The following ZNF777 variants were observed in gnomAD, a reference collection of about 807,000 sequenced individuals.
The protein encoded by ZNF777 is zinc finger protein 777.
A neutral mutation model predicts 72.1 loss-of-function variants in ZNF777; 7 were observed. The observed-to-expected ratio is 0.10, with a 90% confidence interval of 0.06 to 0.18. The LOEUF (loss-of-function observed/expected upper bound fraction) is 0.18. Ranked by LOEUF, ZNF777 falls within the 10% of genes least tolerant of loss-of-function variation. The pLI, the probability that ZNF777 is intolerant of heterozygous loss-of-function variation, is 1.00. For missense variants in ZNF777, 828 were observed against 1,128.6 expected (o/e 0.73, Z 3.82); for synonymous variants, 545 against 483.5 (o/e 1.13, Z -1.67).
chr7:149,431,738 C>T lies in ZNF777; in HGVS notation c.*38G>A. On this transcript the variant is annotated 3_prime_UTR_variant, in exon 6 of 6. Coordinates refer to ENST00000247930, the MANE Select transcript of ZNF777 (RefSeq NM_015694.3). ...GGCGGTGTCCGAGGGGGGGCACGGC[C>T]CGCGCACCTGGCCGGGCGGCGGCGG... 5.2e-6 allele frequency: 7 copies of T among 1,354,946 alleles called. No homozygotes were observed. The highest frequency in any genetic ancestry group is 6.6e-6 in the Non-Finnish European group (7 of 1,059,060). The allele number at this position is 1,354,946 out of a possible 1,614,324, so 83.9% of individuals were successfully genotyped here. A position where few individuals can be genotyped will look rare whatever the true frequency, so the allele number is the denominator to read the frequency against.
chr7:149,455,103 T>C lies in ZNF777; in HGVS notation c.846+74A>G. On this transcript the variant is annotated intron_variant, in intron 2 of 5. Coordinates refer to ENST00000247930, the MANE Select transcript of ZNF777 (RefSeq NM_015694.3). This position sits in a 1 kb window ranked among gnomAD's most constrained non-coding sequence, Gnocchi z 4.2. Reference sequence around the variant, plus strand: ...CTTTATCAACCACCCCTTTCTTTCATATTACACTACATTCCTAAACCACAC... The same window carrying C: ...CTTTATCAACCACCCCTTTCTTTCACATTACACTACATTCCTAAACCACAC... 2 of 1,513,054 alleles carry C rather than the reference T, an allele frequency of 1.3e-6. No individual in the cohort carries two copies. The highest frequency in any genetic ancestry group is 2.3e-5 in the East Asian group (1 of 44,194). 93.7% of individuals were successfully genotyped at this position (1,513,054 alleles called of 1,614,324 possible). A position where few individuals can be genotyped will look rare whatever the true frequency, so the allele number is the denominator to read the frequency against.
Position 149,432,211 on chromosome 7 carries a change from C to T in ZNF777, c.2061G>A (p.Ala687=), listed in dbSNP as rs751313261. The T allele has an allele frequency of 2.5e-6, 4 of 1,606,078 alleles. No individual in the cohort carries two copies. Among genetic ancestry groups the T allele is most frequent in the African/African-American group, 2.7e-5 (2 of 74,738 alleles). ...AGATGAAGGAGACCTCATGCTTGCC[C>T]GCGTGCACGCGCTGATGGATCACCA... The part of the protein sequence containing the change: ...ISLVIHQRVH[A]GKHEVSFICS... The change falls in exon 6 of 6, where the codon GCG becomes GCA. Residue 687 remains alanine, a synonymous_variant. Coordinates refer to ENST00000247930, the MANE Select transcript of ZNF777 (RefSeq NM_015694.3).
intron 3 of ZNF777, among the ~76,000 whole-genome samples, chr7:149,452,458 G>A (rs1377177496): frequency 6.6e-6 from 1 of 151,340 alleles, no homozygotes; most frequent in Non-Finnish European, 1.5e-5. Flanking sequence ...GTAAAACCCT[G>A]TCTCTACTAA....
intron 5 of ZNF777, among the ~76,000 whole-genome samples, chr7:149,435,872 A>G (rs1290676491): frequency 6.6e-6 from 1 of 152,250 alleles, no homozygotes; most frequent in Admixed American, 6.5e-5. Flanking sequence ...CATTTCATTT[A>G]TGAATACAGT....
chr7:149,451,605 T>A (rs183178837), intron 3 of ZNF777, among the ~76,000 whole-genome samples: 56 of 151,892 alleles, frequency 3.7e-4, no homozygotes, highest in African/African-American at 1.2e-3. Flanking sequence ...GGCAGGAGAA[T>A]CACTTGAACC....
intron 4 of ZNF777, among the ~76,000 whole-genome samples, chr7:149,448,190 G>C (rs1161447120): frequency 6.6e-6 from 1 of 151,926 alleles, no homozygotes; most frequent in African/African-American, 2.4e-5. Flanking sequence ...AATAAGCCAG[G>C]TGCAGTGGTT....
rs551694939 is a variant in ZNF777, at chr7:149,436,466, A to G, written c.1339+109T>C. The G allele has an allele frequency of 1.5e-5, 20 of 1,321,322 alleles. No homozygotes were observed. The African/African-American group carries it at 2.5e-4, about 16-fold the overall frequency. The allele number at this position is 1,321,322 out of a possible 1,614,324, so 81.8% of individuals were successfully genotyped here. On this transcript the variant is annotated intron_variant, in intron 5 of 5. Coordinates refer to ENST00000247930, the MANE Select transcript of ZNF777 (RefSeq NM_015694.3). The surrounding 1 kb of genome is among the most constrained non-coding windows in gnomAD (Gnocchi z 5.0). ...GTAATTCTTTCCCACCTGTTGCCCC[A>G]TCAGTGTCCAGCTACCTCTCTGAAG...
In ZNF777 at chr7:149,460,184, G is replaced by A. The variant is rs1799921157; in HGVS notation, c.-16+631C>T. ...TCCGGCCCGGGCCCCCGGAGTCGCC[G>A]CCGCTACTGCCGCCGCCGCTACTGC... On this transcript the variant is annotated intron_variant, in intron 1 of 5. Coordinates refer to ENST00000247930, the MANE Select transcript of ZNF777 (RefSeq NM_015694.3). This position sits in a 1 kb window ranked among gnomAD's most constrained non-coding sequence, Gnocchi z 6.1. The A allele has an allele frequency of 3.8e-6, 3 of 797,480 alleles. No individual in the cohort carries two copies. The highest frequency in any genetic ancestry group is 3.0e-6 in the Non-Finnish European group (2 of 661,104). 49.4% of individuals were successfully genotyped at this position (797,480 alleles called of 1,614,324 possible).
intron 4 of ZNF777, among the ~76,000 whole-genome samples, chr7:149,438,405 A>G (rs7804131): frequency 0.037 from 5,654 of 152,296 alleles, 259 homozygotes; most frequent in African/African-American, 0.099. Flanking sequence ...AAGAACATTC[A>G]CGTTTTGTTC....
intron 1 of ZNF777, among the ~76,000 whole-genome samples, chr7:149,459,169 G>A (rs531607916): frequency 2.6e-5 from 4 of 152,220 alleles, no homozygotes; most frequent in South Asian, 4.1e-4. Context: ...ATGCTTTTTA[G>A]AAAGCTATAT....
chr7:149,460,381 G>A lies in ZNF777; in HGVS notation c.-16+434C>T, dbSNP rs1799926482. 6.9e-6 allele frequency among the ~76,000 whole-genome samples: 1 copy of A among 145,796 alleles called. No individual in the cohort carries two copies. Among genetic ancestry groups the A allele is most frequent in the African/African-American group, 2.5e-5 (1 of 40,742 alleles). On this transcript the variant is annotated intron_variant, in intron 1 of 5. Transcript: ENST00000247930. This position sits in a 1 kb window ranked among gnomAD's most constrained non-coding sequence, Gnocchi z 6.1. ...CCGAGCGGCGGCGTCGGAGCTGGGC[G>A]CGCGGCTGTGCGGGCGGCCCGGCCG... is the stretch of plus-strand genomic sequence containing the variant.
chr7:149,433,882 T>C (rs1799367963), intron 5 of ZNF777, among the ~76,000 whole-genome samples: 2 of 152,242 alleles, frequency 1.3e-5, no homozygotes, highest in African/African-American at 4.8e-5. Context: ...CTTGTACTTA[T>C]TTGGCACTAA....
At position 149,431,677 on chromosome 7, in the gene ZNF777, G is replaced by A; in HGVS notation, c.*99C>T. The A allele has an allele frequency of 9.0e-7, 1 of 1,116,190 alleles. No individual in the cohort carries two copies. The highest frequency in any genetic ancestry group is 1.7e-5 in the African/African-American group (1 of 57,834). 69.1% of individuals were successfully genotyped at this position (1,116,190 alleles called of 1,614,324 possible). On this transcript the variant is annotated 3_prime_UTR_variant, in exon 6 of 6. Coordinates refer to ENST00000247930, the MANE Select transcript of ZNF777 (RefSeq NM_015694.3). ...GGGGGAGCTCACGGCAAAGGGGCTG[G>A]GGGGCGCCCCGCCCCCGCCCGCTGG... is the stretch of plus-strand genomic sequence containing the variant.
intron 4 of ZNF777, among the ~76,000 whole-genome samples, chr7:149,439,022 C>T (rs1799464088): frequency 6.6e-6 from 1 of 152,158 alleles, no homozygotes; most frequent in Non-Finnish European, 1.5e-5. Flanking sequence ...AAGAAAAAGT[C>T]ATCCATACCT....
At chr7:149,458,402 AG>A (rs1204397965) in intron 1 of ZNF777, among the ~76,000 whole-genome samples, 1 of 152,144 alleles carries the variant, frequency 6.6e-6, no homozygotes, top group Non-Finnish European at 1.5e-5. Context: ...CCTTAGAGGG[AG>A]ATTAGGGTAT....
chr7:149,450,239 A>G (rs567221142), intron 4 of ZNF777, among the ~76,000 whole-genome samples: 4 of 152,264 alleles, frequency 2.6e-5, no homozygotes, highest in South Asian at 4.2e-4. Flanking sequence ...GCACCACAAG[A>G]GCGCCTGCAG....
In ZNF777 at chr7:149,455,342, G is replaced by A. The variant is rs185994444; in HGVS notation, c.681C>T (p.Ala227=). Reference sequence around the variant, plus strand: ...TCTCCAGATGGTTCGCGAACTCCACGGCTGTCTTCTCGCAGTCGGCTATCT... The same window carrying A: ...TCTCCAGATGGTTCGCGAACTCCACAGCTGTCTTCTCGCAGTCGGCTATCT... ...EKKIADCEKT[A]VEFANHLESK... Residue 227 remains alanine, a synonymous_variant, in exon 2 of 6, where the codon GCC becomes GCT. Coordinates refer to ENST00000247930, the MANE Select transcript of ZNF777 (RefSeq NM_015694.3). The surrounding 1 kb of genome is among the most constrained non-coding windows in gnomAD (Gnocchi z 4.2). The A allele has an allele frequency of 1.8e-4, 287 of 1,614,178 alleles. 1 individual carries two copies. The African/African-American group carries it at 3.1e-3, about 17-fold the overall frequency.
chr7:149,457,666 T>G (rs1202101490), intron 1 of ZNF777, among the ~76,000 whole-genome samples: 1 of 152,200 alleles, frequency 6.6e-6, no homozygotes, highest in Non-Finnish European at 1.5e-5. Flanking sequence ...CAAGATCCTA[T>G]TCACAAAAGG....
At chr7:149,448,738 T>C (rs1217064931) in intron 4 of ZNF777, among the ~76,000 whole-genome samples, 1 of 151,670 alleles carries the variant, frequency 6.6e-6, no homozygotes, top group Non-Finnish European at 1.5e-5. Flanking sequence ...CTGGTTCGCT[T>C]TACTCTTTGC....
Sources: allele counts gnomAD v4.1 joint callset (sites outside exome capture counted in the v4.1 genomes callset), GRCh38; gene constraint gnomAD v4.1.1; non-coding constraint Gnocchi (gnomAD v3.1); transcripts MANE v1.5; gene names NCBI Gene and HGNC (gene_info 2026-07-23, HGNC 2026-07-21).